The following PPFIA2 variants were observed in gnomAD, a reference collection of about 807,000 sequenced individuals.
PPFIA2 encodes liprin-alpha-2.
PPFIA2 carries 46 observed loss-of-function variants against 175.5 expected under a neutral mutation model. That is an observed-to-expected ratio of 0.26 (90% confidence interval 0.21 to 0.34). PPFIA2 has a LOEUF of 0.34. Ranked by LOEUF, PPFIA2 falls within the 10% of genes least tolerant of loss-of-function variation. The pLI, the probability that PPFIA2 is intolerant of heterozygous loss-of-function variation, is 1.00. For synonymous variants in PPFIA2, 568 were observed against 511.4 expected, an observed-to-expected ratio of 1.11 and a Z score of -1.49; for missense variants, 1,179 against 1,506.1, an observed-to-expected ratio of 0.78 and a Z score of 3.60.
At chr12:81,694,412 G>A (rs975663521) in intron 3 of PPFIA2, among the ~76,000 whole-genome samples, 7 of 152,146 alleles carry the variant, frequency 4.6e-5, no homozygotes, top group Admixed American at 6.5e-5. Flanking sequence ...GGATCAAAGG[G>A]TTCCAGATAC....
chr12:81,371,561 T>C (rs537761224), intron 11 of PPFIA2, among the ~76,000 whole-genome samples: 1 of 151,500 alleles, frequency 6.6e-6, no homozygotes, highest in African/African-American at 2.4e-5. Context: ...CACATCAAAC[T>C]TAAAAAGAAA....
chr12:81,372,513 G>GAAAAAAAAAAAAAA (rs3075257), intron 11 of PPFIA2, among the ~76,000 whole-genome samples: 1 of 93,632 alleles, frequency 1.1e-5, no homozygotes, highest in African/African-American at 3.3e-5. Context: ...AATTGAAACA[G>GAAAAAAAAAAAAAA]AAAAAAAAAA....
At chr12:81,487,712 T>C (rs1227558167) in intron 4 of PPFIA2, among the ~76,000 whole-genome samples, 2 of 151,782 alleles carry the variant, frequency 1.3e-5, no homozygotes, top group East Asian at 3.9e-4. Flanking sequence ...TCTTTCACAG[T>C]CAATTCCAGT....
intron 4 of PPFIA2, chr12:81,597,856 AC>A: frequency 7.9e-7 from 1 of 1,265,698 alleles, no homozygotes; most frequent in Non-Finnish European, 1.1e-6. Flanking sequence ...AATACTTCCA[AC>A]CTTTTTAAGT....
chr12:81,666,149 C>T (rs28372515), intron 4 of PPFIA2, among the ~76,000 whole-genome samples: 47 of 151,830 alleles, frequency 3.1e-4, no homozygotes, highest in African/African-American at 1.0e-3. Flanking sequence ...AGGAACACTT[C>T]TACACTGTTG....
intron 3 of PPFIA2, among the ~76,000 whole-genome samples, chr12:81,747,492 C>G (rs967518085): frequency 7.0e-6 from 1 of 143,780 alleles, no homozygotes; most frequent in East Asian, 2.1e-4. Flanking sequence ...CATTATTACC[C>G]AGTAAAATTG....
At chr12:81,386,707 A>T (rs184076236) in intron 8 of PPFIA2, among the ~76,000 whole-genome samples, 1 of 152,216 alleles carries the variant, frequency 6.6e-6, no homozygotes, top group Admixed American at 6.5e-5. Flanking sequence ...TGTAGTGAGG[A>T]CGGTGCAGCA....
rs544346935 is a variant in PPFIA2, at chr12:81,474,040, T to C, written c.304-16174A>G. On this transcript the variant is annotated intron_variant, in intron 4 of 32. Coordinates refer to ENST00000549396, the MANE Select transcript of PPFIA2 (RefSeq NM_003625.5). ...AATATATTTCAAGAGAAAGACTATA[T>C]TTCAAGTAAGAACTCCAATCTTTTT... Among the ~76,000 whole-genome samples the C allele has an allele frequency of 6.6e-5, 10 of 152,342 alleles. No homozygotes were observed. The South Asian group carries it at 2.1e-3, about 32-fold the overall frequency.
chr12:81,531,090 C>T (rs1261367924), intron 4 of PPFIA2, among the ~76,000 whole-genome samples: 1 of 151,840 alleles, frequency 6.6e-6, no homozygotes, highest in African/African-American at 2.4e-5. Context: ...AGTTTCAATT[C>T]TTTGGTCTGA....
chr12:81,294,619 G>A, intron 24 of PPFIA2: 1 of 565,346 alleles, frequency 1.8e-6, no homozygotes. Context: ...TAGCTCAAAA[G>A]TCTGCTATGC....
chr12:81,727,250 AGCACCTTCT>A (rs1336967276), intron 3 of PPFIA2, among the ~76,000 whole-genome samples: 1 of 151,348 alleles, frequency 6.6e-6, no homozygotes, highest in Non-Finnish European at 1.5e-5. Flanking sequence ...AAGGTTCATG[AGCACCTTCT>A]GAATTCATAG....
At chr12:81,544,654 T>A (rs2066717917) in intron 4 of PPFIA2, among the ~76,000 whole-genome samples, 1 of 152,280 alleles carries the variant, frequency 6.6e-6, no homozygotes, top group East Asian at 1.9e-4. Flanking sequence ...CACAGAGAAC[T>A]GCATGCTTTT....
chr12:81,599,282 G>A (rs1413792013), intron 4 of PPFIA2, among the ~76,000 whole-genome samples: 1 of 151,934 alleles, frequency 6.6e-6, no homozygotes, highest in Non-Finnish European at 1.5e-5. Context: ...CCTGAAGGCT[G>A]TAAAGGATGA....
chr12:81,744,584 C>T (rs113956192), intron 3 of PPFIA2, among the ~76,000 whole-genome samples: 3 of 151,910 alleles, frequency 2.0e-5, no homozygotes, highest in African/African-American at 7.2e-5. Context: ...TACTATGCCC[C>T]GCTAATTTTT....
intron 11 of PPFIA2, among the ~76,000 whole-genome samples, chr12:81,372,639 G>A (rs2035446095): frequency 6.7e-6 from 1 of 149,094 alleles, no homozygotes; most frequent in Admixed American, 6.7e-5. Flanking sequence ...ATCCTCAAAT[G>A]TTTAAAAAAA....
At chr12:81,723,766 GCTCA>G in intron 3 of PPFIA2, among the ~76,000 whole-genome samples, 1 of 150,906 alleles carries the variant, frequency 6.6e-6, no homozygotes, top group Non-Finnish European at 1.5e-5. Context: ...TACAAAGCAA[GCTCA>G]CTGAGAAAAC....
chr12:81,263,349 C>T lies in PPFIA2; in HGVS notation c.3597G>A (p.Arg1199=), dbSNP rs751872308. The T allele has an allele frequency of 1.9e-5, 31 of 1,613,142 alleles. No homozygotes were observed. The South Asian group carries it at 3.3e-4, about 17-fold the overall frequency. ...KNFRRGSTWR[R]QFPPREVHGI... ...CATGTACTTCACGAGGAGGAAACTG[C>T]CTTCTCCAGGTTGATCCACGTCTGA... is the stretch of plus-strand genomic sequence containing the variant. Residue 1199 remains arginine (R), a synonymous_variant, in exon 31 of 33, where the codon AGG becomes AGA. Coordinates refer to ENST00000549396, the MANE Select transcript of PPFIA2 (RefSeq NM_003625.5).
intron 30 of PPFIA2, among the ~76,000 whole-genome samples, chr12:81,265,291 C>CAA (rs571821814): frequency 0.21 from 14,835 of 69,756 alleles, 2,482 homozygotes; most frequent in East Asian, 0.25. Flanking sequence ...GAAACTCTGT[C>CAA]AAAAAAAAAA....
intron 24 of PPFIA2, 97 bp from the exon 25 acceptor site, chr12:81,284,400 C>A: frequency 1.2e-6 from 1 of 860,368 alleles, no homozygotes; most frequent in African/African-American, 1.7e-5. Context: ...AGCAACACAG[C>A]AATACCACAG....
Sources: gnomAD v4.1 joint callset for allele counts (sites outside exome capture counted in the v4.1 genomes callset) on GRCh38, gnomAD v4.1.1 for gene constraint, MANE v1.5 for transcripts, NCBI Gene and HGNC (gene_info 2026-07-23, HGNC 2026-07-21) for gene names.